The following DNAH5 variants were observed in gnomAD, a reference collection of about 807,000 sequenced individuals.
DNAH5 encodes the protein axonemal beta dynein heavy chain 5.
Under a neutral mutation model 518.2 loss-of-function variants are expected in DNAH5, and 372 were observed. That is an observed-to-expected ratio of 0.72 (90% CI 0.66 to 0.78). The LOEUF is 0.78. Ranked by LOEUF, DNAH5 falls within the 30% of genes least tolerant of loss-of-function variation. The pLI is 0.00. For synonymous variants in DNAH5, 2,039 were observed against 2,025.9 expected (o/e 1.01, Z -0.17); for missense variants, 5,523 against 5,687.0 (o/e 0.97, Z 0.93).
At chr5:13,871,103 T>C in intron 23 of DNAH5, 101 bp from the exon 24 acceptor site, 2 of 840,924 alleles carry the variant, frequency 2.4e-6, no homozygotes, top group Non-Finnish European at 3.8e-6. Flanking sequence ...TTATAGCTTA[T>C]TGCCCTCTAA....
intron 1 of DNAH5, among the ~76,000 whole-genome samples, chr5:13,932,808 C>A (rs769347709): frequency 6.6e-6 from 1 of 152,166 alleles, no homozygotes; most frequent in Non-Finnish European, 1.5e-5. Context: ...TGAAGCAACA[C>A]AATCATAAGT....
rs146304222 is a variant in DNAH5, at chr5:13,745,419, C to T, written c.11211+5659G>A. Among the ~76,000 whole-genome samples, 82 of 152,212 alleles carry T rather than the reference C, an allele frequency of 5.4e-4. 2 individuals carry two copies. In the East Asian group the frequency reaches 0.012, roughly 22 times the overall value. On this transcript the variant is annotated intron_variant, in intron 65 of 78. Coordinates refer to ENST00000265104, the MANE Select transcript of DNAH5 (RefSeq NM_001369.3). ...GTTTTGAAGCACACAGAAAGTATAACTCTGTTAAAATTCATGCTTCCTTGC... is the reference window on the plus strand; with the variant it reads ...GTTTTGAAGCACACAGAAAGTATAATTCTGTTAAAATTCATGCTTCCTTGC...
chr5:13,697,617 C>G (rs553588198), intron 78 of DNAH5, among the ~76,000 whole-genome samples: 1 of 152,320 alleles, frequency 6.6e-6, no homozygotes, highest in East Asian at 1.9e-4. Context: ...TATCATTTCT[C>G]TCTTCCAACT....
chr5:13,949,651 G>A (rs367699726), upstream of DNAH5, among the ~76,000 whole-genome samples: 11 of 152,236 alleles, frequency 7.2e-5, no homozygotes, highest in South Asian at 2.1e-4. Context: ...AAGTTCTGCC[G>A]TTTGGAGGAA....
chr5:13,995,798 C>T (rs2152078199), intron 1 of DNAH5, among the ~76,000 whole-genome samples: 1 of 152,208 alleles, frequency 6.6e-6, no homozygotes, highest in East Asian at 1.9e-4. Context: ...TAATATTTTC[C>T]AGAGTGAATA....
intron 73 of DNAH5, among the ~76,000 whole-genome samples, 183 bp from the exon 74 acceptor site, chr5:13,716,873 G>C (rs1340611645): frequency 1.3e-5 from 2 of 152,174 alleles, no homozygotes; most frequent in Non-Finnish European, 2.9e-5. Flanking sequence ...TCAGTGCTCA[G>C]GTCCATGATT....
Position 13,839,498 on chromosome 5 carries a change from A to G in DNAH5, c.5740T>C (p.Phe1914Leu). 6.2e-7 allele frequency: 1 copy of G among 1,614,082 alleles called. No homozygotes were observed. Among genetic ancestry groups the G allele is most frequent in the Non-Finnish European group, 8.5e-7 (1 of 1,179,964 alleles). The change falls in exon 35 of 79, where the codon TTT (phenylalanine) becomes CTT (leucine). Residue 1914 changes from phenylalanine to leucine, a missense_variant. Physicochemically the swap from Phe to Leu is conservative, Grantham distance 22 (BLOSUM62 0). Coordinates refer to ENST00000265104, the MANE Select transcript of DNAH5 (RefSeq NM_001369.3). ...CHMHIKSPMD[F>L]EWLKQCRFYF... is the part of the protein sequence containing the mutation. ...AATCTGCACTGTTTCAGCCACTCAAAGTCCATGGGACTCTTGATATGCATA... is the reference window on the plus strand; with the variant it reads ...AATCTGCACTGTTTCAGCCACTCAAGGTCCATGGGACTCTTGATATGCATA...
chr5:13,783,627 T>C (rs555176900), intron 52 of DNAH5, among the ~76,000 whole-genome samples: 1 of 152,252 alleles, frequency 6.6e-6, no homozygotes, highest in South Asian at 2.1e-4. Context: ...ATATACACCA[T>C]GGTTTGAACT....
At chr5:13,715,527 TATATG>T (rs1453202030) in intron 74 of DNAH5, among the ~76,000 whole-genome samples, 2 of 152,244 alleles carry the variant, frequency 1.3e-5, no homozygotes, top group African/African-American at 4.8e-5. Context: ...GAGGCGGTAA[TATATG>T]ATAAACTCAT....
chr5:13,693,830 C>T (rs1741013482), intron 78 of DNAH5, among the ~76,000 whole-genome samples: 1 of 152,200 alleles, frequency 6.6e-6, no homozygotes, highest in Non-Finnish European at 1.5e-5. Flanking sequence ...TCATTAGGAA[C>T]AACCTAAAAC....
chr5:13,693,750 T>G (rs1345366763), intron 78 of DNAH5, among the ~76,000 whole-genome samples: 2 of 148,158 alleles, frequency 1.3e-5, no homozygotes, highest in Non-Finnish European at 2.9e-5. Context: ...ATGAGAAACC[T>G]TCTTCTAAAA....
chr5:13,720,145 G>T (rs1189401114), intron 71 of DNAH5, among the ~76,000 whole-genome samples: 1 of 148,712 alleles, frequency 6.7e-6, no homozygotes, highest in Middle Eastern at 3.3e-3. Context: ...TAGATCTAAA[G>T]TCTTAGCAGA....
chr5:13,841,152 T>C, intron 33 of DNAH5, 22 bp from the exon 34 acceptor site: 8 of 1,580,828 alleles, frequency 5.1e-6, no homozygotes, highest in Non-Finnish European at 7.0e-6. Flanking sequence ...AAAAAAGGCT[T>C]CATGAATTTG....
intron 12 of DNAH5, among the ~76,000 whole-genome samples, chr5:13,908,719 A>T (rs1258464008): frequency 6.6e-6 from 1 of 152,104 alleles, no homozygotes; most frequent in Non-Finnish European, 1.5e-5. Flanking sequence ...CTTGGTTCCA[A>T]CATGCTGCCC....
In DNAH5 at chr5:13,792,110, T is replaced by G. The variant is rs750987249; in HGVS notation, c.8332A>C (p.Lys2778Gln). 3 of 1,613,976 alleles carry G rather than the reference T, an allele frequency of 1.9e-6. No individual in the cohort carries two copies. In the African/African-American group the frequency reaches 4.0e-5, roughly 22 times the overall value. ...PLTRRLWQMT[K>Q]IKMLPTPAKF... is the part of the protein sequence containing the mutation. Reference sequence around the variant, plus strand: ...GCAGGGGTAGGAAGCATTTTAATCTTGGTCATCTGCCATAGTCGGCGTGTC... The same window carrying G: ...GCAGGGGTAGGAAGCATTTTAATCTGGGTCATCTGCCATAGTCGGCGTGTC... The change falls in exon 50 of 79, where the codon AAG becomes CAG. Residue 2778 changes from lysine (K) to glutamine (Q), a missense_variant. Around this residue, in one of 3 missense-constraint regions of DNAH5, gnomAD observed 5,121 missense variants for 5,223.3 expected, o/e 0.98. Coordinates refer to ENST00000265104, the MANE Select transcript of DNAH5 (RefSeq NM_001369.3).
rs1434456042 is a variant in DNAH5, at chr5:13,723,678, T to C, written c.12034-2433A>G. Among the ~76,000 whole-genome samples the C allele has an allele frequency of 4.6e-5, 7 of 152,238 alleles. 1 individual carries two copies. The highest frequency in any genetic ancestry group is 1.0e-4 in the Non-Finnish European group (7 of 68,038). ...GCATGGCTATGTTCCAATAAATTGT[T>C]AGAGACACTGAAATGTGAAAGTTAT... is the stretch of plus-strand genomic sequence containing the variant. On this transcript the variant is annotated intron_variant, in intron 70 of 78. Coordinates refer to ENST00000265104, the MANE Select transcript of DNAH5 (RefSeq NM_001369.3).
In DNAH5 at chr5:13,758,973, A is replaced by G. The variant is rs752629273; in HGVS notation, c.10292T>C (p.Val3431Ala). The G allele has an allele frequency of 5.6e-6, 9 of 1,614,112 alleles. No individual in the cohort carries two copies. The South Asian group carries it at 9.9e-5, about 18-fold the overall frequency. The part of the protein sequence containing the change: ...KEVLPLKANL[V>A]VQENRHLLAM... ...CAGGAGATGGCGATTCTCTTGCACCACCAAGTTGGCCTGCACAGGACACAC... is the reference window on the plus strand; with the variant it reads ...CAGGAGATGGCGATTCTCTTGCACCGCCAAGTTGGCCTGCACAGGACACAC... Residue 3431 changes from valine (V) to alanine (A), a missense_variant, in exon 61 of 79, where the codon GTG becomes GCG. Coordinates refer to ENST00000265104, the MANE Select transcript of DNAH5 (RefSeq NM_001369.3).
At chr5:13,694,830 T>C (rs1199397597) in intron 78 of DNAH5, among the ~76,000 whole-genome samples, 3 of 152,166 alleles carry the variant, frequency 2.0e-5, no homozygotes, top group Non-Finnish European at 2.9e-5. Context: ...TTAAAAACCA[T>C]GTGAGCTAAG....
At chr5:13,862,008 AAT>A (rs111863877) in intron 29 of DNAH5, among the ~76,000 whole-genome samples, 162 of 152,120 alleles carry the variant, frequency 1.1e-3, no homozygotes, top group African/African-American at 3.6e-3. Context: ...AATTTGTACA[AAT>A]ATAAAAAATA....
Sources: allele counts gnomAD v4.1 joint callset (sites outside exome capture counted in the v4.1 genomes callset), GRCh38; gene constraint gnomAD v4.1.1; regional missense constraint gnomAD v4.1.1; transcripts MANE v1.5; gene names NCBI Gene and HGNC (gene_info 2026-07-23, HGNC 2026-07-21).